MTAP: variants seen among roughly 807,000 people sequenced by gnomAD.
MTAP encodes S-methyl-5'-thioadenosine phosphorylase.
MTAP carries 33 observed loss-of-function variants against 33.6 expected under a neutral mutation model. The observed-to-expected ratio is 0.98, with a 90% confidence interval of 0.74 to 1.31. The LOEUF (loss-of-function observed/expected upper bound fraction) is 1.31, where lower values mean the gene tolerates loss of function less well. Ranked by LOEUF, MTAP falls within the 40% of genes most tolerant of loss-of-function variation. MTAP has a pLI of 0.00. For synonymous variants in MTAP, 148 were observed against 125.7 expected, an observed-to-expected ratio of 1.18 and a Z score of -1.19; for missense variants, 367 against 360.0, an observed-to-expected ratio of 1.02 and a Z score of -0.16.
At chr9:21,827,511 A>T (rs1326538579) in intron 4 of MTAP, among the ~76,000 whole-genome samples, 1 of 152,214 alleles carries the variant, frequency 6.6e-6, no homozygotes, top group Admixed American at 6.5e-5. Flanking sequence ...CAGCAGTTTC[A>T]TGTGGTTCAA....
intron 1 of MTAP, among the ~76,000 whole-genome samples, chr9:21,918,372 A>G (rs866841957): frequency 7.8e-6 from 1 of 127,830 alleles, no homozygotes; most frequent in Admixed American, 7.5e-5. Context: ...AAAAAAAAAA[A>G]AAGAGTGATT....
chr9:21,886,127 T>C (rs1054898361), intron 1 of MTAP, among the ~76,000 whole-genome samples: 1 of 152,048 alleles, frequency 6.6e-6, no homozygotes. Flanking sequence ...ACATCTTTTT[T>C]TTTTTTTTAA....
At chr9:21,813,382 T>C (rs552961742) in intron 1 of MTAP, among the ~76,000 whole-genome samples, 1 of 152,350 alleles carries the variant, frequency 6.6e-6, no homozygotes, top group African/African-American at 2.4e-5. Flanking sequence ...CTACTACATG[T>C]TCCTTGCTGA....
downstream of MTAP, chr9:21,934,421 A>G (rs1819009629): frequency 6.6e-6 from 1 of 152,214 alleles, no homozygotes; most frequent in Non-Finnish European, 1.5e-5. This position sits in a 1 kb window ranked among gnomAD's most constrained non-coding sequence, Gnocchi z 5.0. Flanking sequence ...TCTTCAGTAA[A>G]TAAAAATTTC....
chr9:21,809,545 A>G (rs1824291844), intron 1 of MTAP, among the ~76,000 whole-genome samples: 1 of 151,946 alleles, frequency 6.6e-6, no homozygotes, highest in Non-Finnish European at 1.5e-5. Flanking sequence ...AGACTAAGGC[A>G]GGAGAATGGT....
intron 4 of MTAP, among the ~76,000 whole-genome samples, chr9:21,837,641 A>G (rs569657616): frequency 3.9e-5 from 6 of 152,282 alleles, no homozygotes; most frequent in South Asian, 4.1e-4. Flanking sequence ...TGCACCTGCA[A>G]TCCAAAGTGG....
In MTAP at chr9:21,859,358, G is replaced by A; in HGVS notation, c.746G>A (p.Ser249Asn). The part of the protein sequence containing the change: ...TLKENANKAK[S>N]LLLTTIPQIG... ...AAAGAAAACGCTAATAAAGCCAAAA[G>A]CTTACTGCTCACTACCATACCTCAG... The change falls in exon 7 of 8, where the codon AGC becomes AAC. Residue 249 changes from serine (S) to asparagine (N), a missense_variant. By Grantham distance (46) the Ser-to-Asn change is conservative. Coordinates refer to ENST00000644715, the MANE Select transcript of MTAP (RefSeq NM_002451.4). 1 of 1,613,568 alleles carries A rather than the reference G, an allele frequency of 6.2e-7. No individual in the cohort carries two copies. Among genetic ancestry groups the A allele is most frequent in the Middle Eastern group, 1.7e-4 (1 of 6,058 alleles).
chr9:21,873,604 A>ACCCCCCCCCC (rs1031170011), intron 1 of MTAP, among the ~76,000 whole-genome samples: 1 of 67,028 alleles, frequency 1.5e-5, no homozygotes, highest in Non-Finnish European at 2.6e-5. Flanking sequence ...TTGGACTTCC[A>ACCCCCCCCCC]CCCCCGCCCC....
At chr9:21,805,107 T>C (rs1264794899) in intron 1 of MTAP, among the ~76,000 whole-genome samples, 1 of 152,194 alleles carries the variant, frequency 6.6e-6, no homozygotes, top group African/African-American at 2.4e-5. Flanking sequence ...CTTTGAGAGG[T>C]TGCTGGATTT....
intron 4 of MTAP, among the ~76,000 whole-genome samples, chr9:21,824,227 G>C (rs1824724898): frequency 6.6e-6 from 1 of 152,142 alleles, no homozygotes; most frequent in African/African-American, 2.4e-5. Flanking sequence ...CCCCATCTTT[G>C]TGGTTTTATC....
chr9:21,941,051 T>C (rs1309443707), downstream of MTAP: 1 of 944,804 alleles, frequency 1.1e-6, no homozygotes, highest in Non-Finnish European at 1.3e-6. Context: ...TAATATTTGA[T>C]TTTCAAACTC....
At chr9:21,930,346 C>T (rs762888304) in intron 1 of MTAP, 3 of 206,688 alleles carry the variant, frequency 1.5e-5, no homozygotes, top group Non-Finnish European at 2.9e-5. Flanking sequence ...CCCAAGGAGC[C>T]TTCTGTGTTT....
chr9:21,914,584 C>A (rs1254478357), intron 1 of MTAP, among the ~76,000 whole-genome samples: 2 of 143,888 alleles, frequency 1.4e-5, no homozygotes, highest in Non-Finnish European at 3.0e-5. Context: ...TGAGCAATGA[C>A]AACTCTTGGC....
intron 1 of MTAP, among the ~76,000 whole-genome samples, chr9:21,918,034 A>C (rs1033015513): frequency 6.6e-6 from 1 of 152,192 alleles, no homozygotes; most frequent in Non-Finnish European, 1.5e-5. Context: ...AGTGGAACTT[A>C]GCTATAAGGA....
chr9:21,887,533 C>A (rs1409927060), intron 1 of MTAP, among the ~76,000 whole-genome samples: 1 of 152,114 alleles, frequency 6.6e-6, no homozygotes, highest in Non-Finnish European at 1.5e-5. Context: ...TGGGTTGGTT[C>A]CAAGTCTTTG....
intron 4 of MTAP, among the ~76,000 whole-genome samples, chr9:21,826,116 A>T (rs1253099057): frequency 6.6e-6 from 1 of 151,874 alleles, no homozygotes; most frequent in Admixed American, 6.6e-5. Flanking sequence ...GGGAATTTTT[A>T]AACATATACA....
chr9:21,878,726 G>A (rs1286536873), intron 1 of MTAP, among the ~76,000 whole-genome samples: 1 of 152,038 alleles, frequency 6.6e-6, no homozygotes, highest in Non-Finnish European at 1.5e-5. Flanking sequence ...ATGCTGTTTT[G>A]TGTGTTCCAG....
At chr9:21,899,221 C>A (rs909971924) in intron 1 of MTAP, among the ~76,000 whole-genome samples, 1 of 102,414 alleles carries the variant, frequency 9.8e-6, no homozygotes, top group Non-Finnish European at 1.8e-5. Context: ...CATCACACAC[C>A]GGGGCCTGTT....
At chr9:21,846,877 T>G (rs1825398246) in intron 5 of MTAP, among the ~76,000 whole-genome samples, 1 of 152,244 alleles carries the variant, frequency 6.6e-6, no homozygotes, top group Non-Finnish European at 1.5e-5. Flanking sequence ...ATGGTATATA[T>G]ACAGCATGGG....
Sources: allele counts gnomAD v4.1 joint callset (sites outside exome capture counted in the v4.1 genomes callset), GRCh38; gene constraint gnomAD v4.1.1; non-coding constraint Gnocchi (gnomAD v3.1); transcripts MANE v1.5; gene names NCBI Gene and HGNC (gene_info 2026-07-23, HGNC 2026-07-21).